The following PCLO variants were observed in gnomAD, a reference collection of about 807,000 sequenced individuals.
The protein encoded by PCLO is piccolo presynaptic cytomatrix protein.
Under a neutral mutation model 427.5 loss-of-function variants are expected in PCLO, and 82 were observed. The observed-to-expected ratio is 0.19, with a 90% confidence interval of 0.16 to 0.23. The LOEUF (loss-of-function observed/expected upper bound fraction) is 0.23, where lower values mean the gene tolerates loss of function less well. Among genes scored for constraint, PCLO ranks in the 10% least tolerant of loss-of-function variants. The probability of loss-of-function intolerance (pLI) is 1.00; values close to 1 mark genes in which losing one functional copy is unlikely to be tolerated. For synonymous variants in PCLO, 2,357 were observed against 2,155.4 expected, an observed-to-expected ratio of 1.09 and a Z score of -2.59; for missense variants, 6,239 against 6,115.9, an observed-to-expected ratio of 1.02 and a Z score of -0.67.
rs1239035391 is a variant in PCLO at position 82,916,730 on chromosome 7, G to A, written c.11256C>T (p.Cys3752=). The change falls in exon 7 of 25, where the codon TGC becomes TGT. Residue 3752 remains cysteine (C), a synonymous_variant. Transcript: ENST00000333891. ...TGGCTCGTGCCATTGTGTTGGTTCT[G>A]CAGATCCTTCTCCTGGAAACTGTGC... is the stretch of plus-strand genomic sequence containing the variant. ...TMGTVSRRRI[C]RTNTMARAKI... The A allele has an allele frequency of 6.2e-7, 1 of 1,613,506 alleles. No individual in the cohort carries two copies. The highest frequency in any genetic ancestry group is 1.3e-5 in the African/African-American group (1 of 74,876).
chr7:82,819,820 A>G (rs1202364103), intron 20 of PCLO, among the ~76,000 whole-genome samples: 2 of 152,168 alleles, frequency 1.3e-5, no homozygotes, highest in African/African-American at 4.8e-5. Flanking sequence ...ACGCAATAGG[A>G]AAGTATAAGG....
chr7:82,923,423 A>C (rs2116308031), intron 6 of PCLO, among the ~76,000 whole-genome samples: 1 of 152,162 alleles, frequency 6.6e-6, no homozygotes, highest in East Asian at 1.9e-4. Context: ...CTACATATTA[A>C]AATCTTTATT....
Position 82,984,499 on chromosome 7 carries a change from G to A in PCLO, c.3301-18012C>T, listed in dbSNP as rs530480564. ...AAAAGGGGGAAAAATAAGCATTGCGGTCAAGGGCCTAAGAATAGACATCTT... is the reference window on the plus strand; with the variant it reads ...AAAAGGGGGAAAAATAAGCATTGCGATCAAGGGCCTAAGAATAGACATCTT... On this transcript the variant is annotated intron_variant, in intron 3 of 24. Coordinates refer to ENST00000333891, the MANE Select transcript of PCLO (RefSeq NM_033026.6). 2.0e-5 allele frequency among the ~76,000 whole-genome samples: 3 copies of A among 150,728 alleles called. No individual in the cohort carries two copies. In the South Asian group the frequency reaches 6.3e-4, roughly 32 times the overall value.
intron 22 of PCLO, among the ~76,000 whole-genome samples, chr7:82,795,353 T>G (rs1791202776): frequency 1.3e-5 from 2 of 152,298 alleles, no homozygotes; most frequent in South Asian, 4.1e-4. Context: ...ATACAGAAAT[T>G]TTTAATATCT....
intron 3 of PCLO, among the ~76,000 whole-genome samples, chr7:83,043,912 CTTTTTTTTTTT>C (rs869061778): frequency 1.1e-5 from 1 of 94,910 alleles, no homozygotes; most frequent in African/African-American, 4.1e-5. Flanking sequence ...CTATTATTTT[CTTTTTTTTTTT>C]TTTTTTTTTT....
chr7:83,093,472 G>GTGTGTGTGTGTGTGTGTGTATA (rs745824155), intron 3 of PCLO, among the ~76,000 whole-genome samples: 1 of 99,196 alleles, frequency 1.0e-5, no homozygotes, highest in African/African-American at 4.6e-5. Flanking sequence ...ATGTGTGTGT[G>GTGTGTGTGTGTGTGTGTGTATA]TATAGATATA....
intron 14 of PCLO, among the ~76,000 whole-genome samples, chr7:82,841,180 T>G (rs2115778807): frequency 6.6e-6 from 1 of 152,120 alleles, no homozygotes; most frequent in South Asian, 2.1e-4. Flanking sequence ...ATGTTTAAAA[T>G]ACATTCGACA....
chr7:83,130,127 G>GTTT (rs1341234983), intron 3 of PCLO, among the ~76,000 whole-genome samples: 1 of 135,362 alleles, frequency 7.4e-6, no homozygotes, highest in Admixed American at 7.5e-5. Flanking sequence ...TGTCCATTAT[G>GTTT]TTTTTGTTGT....
chr7:82,930,916 A>T (rs1376917646), intron 6 of PCLO, among the ~76,000 whole-genome samples: 1 of 152,164 alleles, frequency 6.6e-6, no homozygotes, highest in Non-Finnish European at 1.5e-5. Flanking sequence ...TTGAACAGGA[A>T]TGAATGGGCC....
intron 3 of PCLO, among the ~76,000 whole-genome samples, chr7:82,968,604 C>T (rs1335496240): frequency 7.0e-6 from 1 of 143,852 alleles, no homozygotes; most frequent in Non-Finnish European, 1.5e-5. Flanking sequence ...ACTGCAATCT[C>T]TGCCGCCCGG....
chr7:83,101,472 T>C (rs1386290675), intron 3 of PCLO, among the ~76,000 whole-genome samples: 1 of 152,060 alleles, frequency 6.6e-6, no homozygotes, highest in Non-Finnish European at 1.5e-5. Flanking sequence ...TGGAAAAGAA[T>C]TTCAAATGCC....
At position 83,038,047 on chromosome 7, in the gene PCLO, A is replaced by T. The variant is rs1202044598; in HGVS notation, c.3301-71560T>A. On this transcript the variant is annotated intron_variant, in intron 3 of 24. Coordinates refer to ENST00000333891, the MANE Select transcript of PCLO (RefSeq NM_033026.6). ...TATATATATTTATATATTTATATATATATCTTTATATATATATTTATATAT... is the reference window on the plus strand; with the variant it reads ...TATATATATTTATATATTTATATATTTATCTTTATATATATATTTATATAT... Among the ~76,000 whole-genome samples, 11 of 43,130 alleles carry T rather than the reference A, an allele frequency of 2.6e-4. 4 individuals are homozygous for T. The highest frequency in any genetic ancestry group is 1.7e-3 in the African/African-American group (9 of 5,356). 28.3% of individuals were successfully genotyped at this position (43,130 alleles called of 152,430 possible).
chr7:82,906,902 C>T (rs1034286434), intron 8 of PCLO, among the ~76,000 whole-genome samples: 5 of 151,880 alleles, frequency 3.3e-5, no homozygotes, highest in African/African-American at 4.8e-5. Context: ...AGTATGTCTA[C>T]GTGAGCAGAC....
At chr7:82,971,744 A>G (rs956249891) in intron 3 of PCLO, among the ~76,000 whole-genome samples, 2 of 138,434 alleles carry the variant, frequency 1.4e-5, no homozygotes, top group Admixed American at 7.0e-5. Flanking sequence ...TACCAACCAT[A>G]TATATATATA....
chr7:82,918,389 C>A (rs1379094823), intron 6 of PCLO, among the ~76,000 whole-genome samples: 1 of 151,922 alleles, frequency 6.6e-6, no homozygotes, highest in Non-Finnish European at 1.5e-5. Flanking sequence ...CTTTAAAAAT[C>A]TCTATATTTC....
chr7:83,073,156 G>T (rs1485010350), intron 3 of PCLO, among the ~76,000 whole-genome samples: 1 of 151,522 alleles, frequency 6.6e-6, no homozygotes, highest in Non-Finnish European at 1.5e-5. Context: ...AAGAAGGCAG[G>T]AATAATGCCA....
intron 18 of PCLO, 96 bp downstream of exon 18, chr7:82,826,493 C>T (rs183545235): frequency 2.7e-5 from 19 of 700,952 alleles, no homozygotes; most frequent in Middle Eastern, 2.6e-4. Flanking sequence ...TTTTCAGAAA[C>T]GGCTATCTTA....
intron 24 of PCLO, among the ~76,000 whole-genome samples, chr7:82,759,770 A>C (rs984886738): frequency 6.6e-6 from 1 of 151,190 alleles, no homozygotes; most frequent in Non-Finnish European, 1.5e-5. Context: ...TTCTACTTTT[A>C]TTCCTTGTCT....
At chr7:83,070,649 A>C (rs539084182) in intron 3 of PCLO, among the ~76,000 whole-genome samples, 7 of 152,290 alleles carry the variant, frequency 4.6e-5, no homozygotes, top group Non-Finnish European at 1.0e-4. Flanking sequence ...GGCCTCCCAG[A>C]GTGCTGGGAT....
Sources: gnomAD v4.1 joint callset for allele counts (sites outside exome capture counted in the v4.1 genomes callset) on GRCh38, gnomAD v4.1.1 for gene constraint, MANE v1.5 for transcripts, NCBI Gene and HGNC (gene_info 2026-07-23, HGNC 2026-07-21) for gene names.